The following UNC5C variants were observed in gnomAD, a reference collection of about 807,000 sequenced individuals.
The protein encoded by UNC5C is netrin receptor UNC5C.
UNC5C carries 47 observed loss-of-function variants against 99.8 expected under a neutral mutation model. That is an observed-to-expected ratio of 0.47 (90% CI 0.37 to 0.60). The LOEUF is 0.60. Ranked by LOEUF, UNC5C falls within the 20% of genes least tolerant of loss-of-function variation. The pLI is 0.00. For missense variants in UNC5C, 1,062 were observed against 1,165.9 expected, an observed-to-expected ratio of 0.91 and a Z score of 1.30; for synonymous variants, 487 against 452.2, an observed-to-expected ratio of 1.08 and a Z score of -0.98.
chr4:95,332,776 G>C (rs1157599215), intron 2 of UNC5C, among the ~76,000 whole-genome samples: 6 of 151,296 alleles, frequency 4.0e-5, no homozygotes, highest in East Asian at 2.0e-4. Flanking sequence ...CCATCAGAGT[G>C]AACAGGCAAC....
At chr4:95,504,377 C>T (rs1037520216) in intron 1 of UNC5C, among the ~76,000 whole-genome samples, 3 of 152,126 alleles carry the variant, frequency 2.0e-5, no homozygotes, top group African/African-American at 4.8e-5. Flanking sequence ...TCTTCAAATT[C>T]CTAGTTGTCC....
Position 95,444,738 on chromosome 4 carries a change from A to G in UNC5C, c.124+103996T>C, listed in dbSNP as rs111609391. ...TCCTCAGAACTGGAGGAGCAAATCA[A>G]TAACTTTCCTCCATTGACTCCCTGT... On this transcript the variant is annotated intron_variant, in intron 1 of 15. Coordinates refer to ENST00000453304, the MANE Select transcript of UNC5C (RefSeq NM_003728.4). Among the ~76,000 whole-genome samples, 453 of 152,272 alleles carry G rather than the reference A, an allele frequency of 3.0e-3. 1 individual carries two copies. Among genetic ancestry groups the G allele is most frequent in the African/African-American group, 1.0e-2 (414 of 41,548 alleles).
At chr4:95,540,283 C>G (rs1427596006) in intron 1 of UNC5C, among the ~76,000 whole-genome samples, 4 of 152,086 alleles carry the variant, frequency 2.6e-5, no homozygotes, top group Admixed American at 2.0e-4. Flanking sequence ...GTCAGAGGGC[C>G]TGTTGAATAA....
intron 1 of UNC5C, among the ~76,000 whole-genome samples, chr4:95,404,812 G>A (rs190047839): frequency 5.9e-5 from 9 of 152,232 alleles, no homozygotes; most frequent in African/African-American, 2.2e-4. Context: ...CCCAAACTTC[G>A]GAGCAGAGCA....
chr4:95,243,424 C>T (rs1278336932), intron 6 of UNC5C, among the ~76,000 whole-genome samples: 1 of 152,102 alleles, frequency 6.6e-6, no homozygotes, highest in East Asian at 1.9e-4. Context: ...ATTTCAATCA[C>T]ACTTCAAAAT....
At chr4:95,258,756 T>TC (rs1322823712) in intron 4 of UNC5C, among the ~76,000 whole-genome samples, 2 of 114,622 alleles carry the variant, frequency 1.7e-5, no homozygotes, top group Non-Finnish European at 3.9e-5. Flanking sequence ...CTTTTTTTTT[T>TC]TTTTTTTTTT....
At chr4:95,424,771 C>T (rs1483016782) in intron 1 of UNC5C, among the ~76,000 whole-genome samples, 1 of 151,852 alleles carries the variant, frequency 6.6e-6, no homozygotes, top group East Asian at 1.9e-4. Context: ...GATCCGCCCT[C>T]CTTGGCCTCC....
intron 3 of UNC5C, among the ~76,000 whole-genome samples, chr4:95,292,234 CACAT>C (rs1323336292): frequency 8.4e-4 from 62 of 74,050 alleles, no homozygotes; most frequent in African/African-American, 3.1e-3. Context: ...CACACACACA[CACAT>C]ATATATATAT....
At chr4:95,488,222 TTGAA>T (rs1721380724) in intron 1 of UNC5C, among the ~76,000 whole-genome samples, 2 of 151,742 alleles carry the variant, frequency 1.3e-5, no homozygotes, top group Admixed American at 1.3e-4. Context: ...TGTAAATTCT[TTGAA>T]TATAAGTAGA....
intron 4 of UNC5C, among the ~76,000 whole-genome samples, chr4:95,251,533 G>C (rs1462172942): frequency 6.6e-6 from 1 of 152,152 alleles, no homozygotes; most frequent in African/African-American, 2.4e-5. Context: ...TGTATAAGCT[G>C]TTCTTCTGGA....
rs1020527291 is a variant in UNC5C, at chr4:95,285,938, G to A, written c.491-7576C>T. On this transcript the variant is annotated intron_variant, in intron 3 of 15. Transcript: ENST00000453304. ...AAGGTTTTGGCATACAAAACCCTGG[G>A]TTTAGGTCCTGACCCTACCACTTGA... Among the ~76,000 whole-genome samples, 9 of 152,100 alleles carry A rather than the reference G, an allele frequency of 5.9e-5. 1 individual carries two copies. Among genetic ancestry groups the A allele is most frequent in the Admixed American group, 2.6e-4 (4 of 15,262 alleles).
chr4:95,323,769 G>C (rs1344206600), intron 2 of UNC5C, among the ~76,000 whole-genome samples: 1 of 152,178 alleles, frequency 6.6e-6, no homozygotes, highest in East Asian at 1.9e-4. Context: ...CAGGTGCGGT[G>C]GCTCATGCCT....
At chr4:95,407,799 T>G (rs1040599417) in intron 1 of UNC5C, among the ~76,000 whole-genome samples, 2 of 152,172 alleles carry the variant, frequency 1.3e-5, no homozygotes, top group Non-Finnish European at 2.9e-5. Flanking sequence ...ATTACTGTAT[T>G]GGGCAGCTAG....
chr4:95,308,035 T>C (rs1049983956), intron 2 of UNC5C, among the ~76,000 whole-genome samples: 2 of 152,088 alleles, frequency 1.3e-5, no homozygotes, highest in Admixed American at 6.5e-5. Flanking sequence ...AAGTTGAAAG[T>C]TTTTCCTCTA....
chr4:95,414,910 G>A (rs898406809), intron 1 of UNC5C, among the ~76,000 whole-genome samples: 2 of 152,172 alleles, frequency 1.3e-5, no homozygotes, highest in African/African-American at 4.8e-5. Flanking sequence ...AAAGAATTTT[G>A]GAGATTATTG....
At chr4:95,331,161 A>G (rs1003052342) in intron 2 of UNC5C, among the ~76,000 whole-genome samples, 1 of 152,064 alleles carries the variant, frequency 6.6e-6, no homozygotes, top group East Asian at 1.9e-4. Flanking sequence ...AGTCTTTTTT[A>G]TGGATGAATA....
At chr4:95,337,630 G>A (rs1743400574) in intron 1 of UNC5C, among the ~76,000 whole-genome samples, 1 of 151,858 alleles carries the variant, frequency 6.6e-6, no homozygotes. Flanking sequence ...GAAAATGTAT[G>A]GGCAAACTAA....
chr4:95,438,140 G>A (rs1746843619), intron 1 of UNC5C, among the ~76,000 whole-genome samples: 1 of 152,000 alleles, frequency 6.6e-6, no homozygotes, highest in African/African-American at 2.4e-5. Context: ...AAAATTTGTT[G>A]TTTGCTGTTG....
intron 9 of UNC5C, among the ~76,000 whole-genome samples, chr4:95,217,991 G>C (rs1455214267): frequency 2.0e-5 from 3 of 152,118 alleles, no homozygotes; most frequent in Non-Finnish European, 4.4e-5. Flanking sequence ...AAGGTTTAGG[G>C]TAAAAGTTGC....
Sources: allele counts gnomAD v4.1 joint callset (sites outside exome capture counted in the v4.1 genomes callset), GRCh38; gene constraint gnomAD v4.1.1; transcripts MANE v1.5; gene names NCBI Gene and HGNC (gene_info 2026-07-23, HGNC 2026-07-21).